SMARCA2: variants seen among roughly 807,000 people sequenced by gnomAD.
The protein encoded by SMARCA2 is SWI/SNF-related matrix-associated actin-dependent regulator of chromatin subfamily A member 2.
SMARCA2 carries 61 observed loss-of-function variants against 199.8 expected under a neutral mutation model. That is an observed-to-expected ratio of 0.31 (90% CI 0.25 to 0.38). The LOEUF (loss-of-function observed/expected upper bound fraction) is 0.38, where lower values mean the gene tolerates loss of function less well. Ranked by LOEUF, SMARCA2 falls within the 10% of genes least tolerant of loss-of-function variation. SMARCA2 has a pLI of 1.00. For synonymous variants in SMARCA2, 935 were observed against 732.0 expected (o/e 1.28, Z -4.48); for missense variants, 1,344 against 2,012.2 (o/e 0.67, Z 6.35).
intron 4 of SMARCA2, chr9:2,043,578 C>T (rs887131543): frequency 6.6e-6 from 1 of 152,122 alleles, no homozygotes; most frequent in Non-Finnish European, 1.5e-5. Context: ...TTTATATGCT[C>T]AATTTAAATG....
At chr9:2,024,745 T>A (rs764028664) in intron 1 of SMARCA2, among the ~76,000 whole-genome samples, 1 of 152,220 alleles carries the variant, frequency 6.6e-6, no homozygotes, top group African/African-American at 2.4e-5. Flanking sequence ...TAGCTCAGTG[T>A]TGGGCTGGGA....
chr9:2,021,030 T>C (rs1457363440), intron 1 of SMARCA2, among the ~76,000 whole-genome samples: 3 of 152,232 alleles, frequency 2.0e-5, no homozygotes, highest in African/African-American at 7.2e-5. Flanking sequence ...ACAATTGTAA[T>C]CTGGCCGTAT....
intron 28 of SMARCA2, among the ~76,000 whole-genome samples, chr9:2,167,077 A>C (rs918319559): frequency 6.6e-6 from 1 of 152,164 alleles, no homozygotes; most frequent in African/African-American, 2.4e-5. Flanking sequence ...TTTCTTTCTC[A>C]TATTGAAATT....
chr9:2,020,819 G>A (rs1818569259), intron 1 of SMARCA2, among the ~76,000 whole-genome samples: 1 of 152,088 alleles, frequency 6.6e-6, no homozygotes, highest in Non-Finnish European at 1.5e-5. Flanking sequence ...AAAATAGCTG[G>A]TCTTTTGAAT....
intron 29 of SMARCA2, among the ~76,000 whole-genome samples, chr9:2,172,472 G>T (rs1276677400): frequency 1.3e-5 from 2 of 151,818 alleles, no homozygotes; most frequent in African/African-American, 4.8e-5. Flanking sequence ...TGTGCGGGAA[G>T]GGGGGATGTA....
intron 27 of SMARCA2, among the ~76,000 whole-genome samples, chr9:2,144,928 A>T (rs1824655632): frequency 6.6e-6 from 1 of 151,898 alleles, no homozygotes; most frequent in Admixed American, 6.5e-5. Flanking sequence ...CTGCATATTC[A>T]CAATCTGTGA....
At chr9:2,041,456 C>G (rs1281473625) in intron 4 of SMARCA2, 1 of 398,448 alleles carries the variant, frequency 2.5e-6, no homozygotes, top group Non-Finnish European at 4.4e-6. Flanking sequence ...GACAAGGCAG[C>G]TCTCTGGAGC....
In SMARCA2 at chr9:2,161,459, A is replaced by C. The variant is rs181402441; in HGVS notation, c.3982-227A>C. ...TTTACTGTGAGTGTTTTGGGCCTTC[A>C]GTGTGTTTTGCTCATGAAACAGACT... On this transcript the variant is annotated intron_variant, in intron 27 of 33. Coordinates refer to ENST00000349721, the MANE Select transcript of SMARCA2 (RefSeq NM_003070.5). The surrounding 1 kb of genome is among the most constrained non-coding windows in gnomAD (Gnocchi z 4.7). Among the ~76,000 whole-genome samples, 1 of 152,294 alleles carries C rather than the reference A, an allele frequency of 6.6e-6. No individual in the cohort carries two copies. The highest frequency in any genetic ancestry group is 1.5e-5 in the Non-Finnish European group (1 of 68,020).
intron 28 of SMARCA2, among the ~76,000 whole-genome samples, chr9:2,163,956 C>T (rs1825814302): frequency 6.6e-6 from 1 of 151,964 alleles, no homozygotes; most frequent in African/African-American, 2.4e-5. Context: ...CAAAAATTTC[C>T]CTCCCATCCC....
intron 16 of SMARCA2, among the ~76,000 whole-genome samples, chr9:2,083,665 A>G (rs1821666007): frequency 6.6e-6 from 1 of 152,232 alleles, no homozygotes; most frequent in Non-Finnish European, 1.5e-5. Flanking sequence ...AATACAAATG[A>G]CAAATATCAC....
intron 21 of SMARCA2, among the ~76,000 whole-genome samples, chr9:2,101,295 C>T (rs1822502714): frequency 6.6e-6 from 1 of 152,012 alleles, no homozygotes; most frequent in Non-Finnish European, 1.5e-5. Context: ...CGCTATGGGC[C>T]AGTGGGTGCT....
chr9:2,144,205 A>AGG lies in SMARCA2; in HGVS notation c.3982-17480_3982-17479insGG, dbSNP rs559101717. ...AGAGGCAGGTATTATCTTGTGAAGG[A>AGG]GTCTTCTCAGATGTGGTTGCATTCC... On this transcript the variant is annotated intron_variant, in intron 27 of 33. Coordinates refer to ENST00000349721, the MANE Select transcript of SMARCA2 (RefSeq NM_003070.5). 3.9e-4 allele frequency among the ~76,000 whole-genome samples: 59 copies of AGG among 152,268 alleles called. No individual in the cohort carries two copies. In the East Asian group the frequency reaches 0.011, roughly 28 times the overall value.
intron 3 of SMARCA2, among the ~76,000 whole-genome samples, chr9:2,038,298 C>G (rs1017139776): frequency 2.0e-5 from 3 of 152,162 alleles, no homozygotes; most frequent in Admixed American, 6.5e-5. Flanking sequence ...CAGTATATAT[C>G]TTTTAGGTTG....
chr9:2,087,239 C>T (rs1821841524), intron 18 of SMARCA2, 168 bp downstream of exon 18: 2 of 757,750 alleles, frequency 2.6e-6, no homozygotes, highest in Non-Finnish European at 4.2e-6. Context: ...GGGTTATTTT[C>T]CCCTCCTAGG....
rs532020771 is a variant in SMARCA2, at chr9:2,163,865, C to G, written c.4199+1962C>G. Among the ~76,000 whole-genome samples, 3 of 152,246 alleles carry G rather than the reference C, an allele frequency of 2.0e-5. No individual in the cohort carries two copies. The South Asian group carries it at 6.2e-4, about 32-fold the overall frequency. ...AAGTCACCAACAGGTGGATGACATA[C>G]TGCCAACAGATTCGTTTGGTTTTAT... On this transcript the variant is annotated intron_variant, in intron 28 of 33. Coordinates refer to ENST00000349721, the MANE Select transcript of SMARCA2 (RefSeq NM_003070.5).
Position 2,016,518 on chromosome 9 carries a change from C to G in SMARCA2, c.-37+1114C>G, listed in dbSNP as rs1040235127. ...CGATCGTCCGGGTGCTAGGGGCGCG[C>G]CGGGACCCAGGAGAGCCACGGCGGC... On this transcript the variant is annotated intron_variant, in intron 1 of 33. Transcript: ENST00000349721. This position sits in a 1 kb window ranked among gnomAD's most constrained non-coding sequence, Gnocchi z 5.6. 2 of 152,734 alleles carry G rather than the reference C, an allele frequency of 1.3e-5. No individual in the cohort carries two copies. Among genetic ancestry groups the G allele is most frequent in the African/African-American group, 4.8e-5 (2 of 41,456 alleles). The allele number at this position is 152,734 out of a possible 1,614,324, so 9.5% of individuals were successfully genotyped here.
intron 12 of SMARCA2, among the ~76,000 whole-genome samples, chr9:2,074,127 T>C (rs935924540): frequency 6.6e-6 from 1 of 152,218 alleles, no homozygotes; most frequent in African/African-American, 2.4e-5. Flanking sequence ...ATGTGATTCT[T>C]GTTTGAATTC....
intron 16 of SMARCA2, among the ~76,000 whole-genome samples, 175 bp from the exon 17 acceptor site, chr9:2,083,911 G>C (rs1458901287): frequency 6.6e-6 from 1 of 152,066 alleles, no homozygotes; most frequent in Non-Finnish European, 1.5e-5. Flanking sequence ...ATCTGAAAAG[G>C]GTCAAGACGT....
chr9:2,020,561 A>G, intron 1 of SMARCA2, among the ~76,000 whole-genome samples: 1 of 152,158 alleles, frequency 6.6e-6, no homozygotes, highest in South Asian at 2.1e-4. Context: ...AAGAGAGCAT[A>G]TTTATTTACG....
Sources: gnomAD v4.1 joint callset for allele counts (sites outside exome capture counted in the v4.1 genomes callset) on GRCh38, gnomAD v4.1.1 for gene constraint, Gnocchi (gnomAD v3.1) non-coding constraint, MANE v1.5 for transcripts, NCBI Gene and HGNC (gene_info 2026-07-23, HGNC 2026-07-21) for gene names.